Variants in PDE2A observed in about 807,000 individuals in gnomAD.
PDE2A encodes the protein cGMP-dependent 3',5'-cyclic phosphodiesterase.
A neutral mutation model predicts 133.6 loss-of-function variants in PDE2A; 53 were observed. That is an observed-to-expected ratio of 0.40 (90% CI 0.32 to 0.50). PDE2A has a LOEUF of 0.50. Among genes scored for constraint, PDE2A ranks in the 20% least tolerant of loss-of-function variants. PDE2A has a pLI of 0.73. For missense variants in PDE2A, 796 were observed against 1,232.4 expected (o/e 0.65, Z 5.30); for synonymous variants, 491 against 490.2 (o/e 1.00, Z -0.02).
rs536111776 is a variant in PDE2A, at chr11:72,586,408, T to A, written c.1071-227A>T. On this transcript the variant is annotated intron_variant, in intron 13 of 30. Coordinates refer to ENST00000334456, the MANE Select transcript of PDE2A (RefSeq NM_002599.5). ...AGATGCTTGAAACCAGAGCCATACC[T>A]CCCGTCTCTGATTTGGGATTTACCC... Among the ~76,000 whole-genome samples, 193 of 152,250 alleles carry A rather than the reference T, an allele frequency of 1.3e-3. No homozygotes were observed. The South Asian group carries it at 0.015, about 11-fold the overall frequency.
chr11:72,673,393 A>T (rs1293302873), intron 1 of PDE2A, among the ~76,000 whole-genome samples: 2 of 134,960 alleles, frequency 1.5e-5, no homozygotes, highest in African/African-American at 5.5e-5. Context: ...TACATTCCAC[A>T]TGTATACACA....
At chr11:72,632,829 G>A (rs1858478880) in intron 2 of PDE2A, among the ~76,000 whole-genome samples, 1 of 146,668 alleles carries the variant, frequency 6.8e-6, no homozygotes, top group Admixed American at 7.0e-5. Context: ...CAGAGGCACT[G>A]CCCGGAGGTG....
chr11:72,587,638 C>T (rs1176405324), intron 13 of PDE2A, among the ~76,000 whole-genome samples: 1 of 152,226 alleles, frequency 6.6e-6, no homozygotes, highest in Non-Finnish European at 1.5e-5. Flanking sequence ...TTCCCAAGGC[C>T]ATCTGGTCAG....
Position 72,590,312 on chromosome 11 carries a change from C to T in PDE2A, c.704-68G>A, listed in dbSNP as rs747927088. 126 of 1,537,786 alleles carry T rather than the reference C, an allele frequency of 8.2e-5. No individual in the cohort carries two copies. The highest frequency in any genetic ancestry group is 1.0e-4 in the Non-Finnish European group (116 of 1,135,704). ...CCTCCGTGTCCGGGTCCCTCAGGCGCCGCTCAGCTCCGCGCCGGGCCCGCC... is the reference window on the plus strand; with the variant it reads ...CCTCCGTGTCCGGGTCCCTCAGGCGTCGCTCAGCTCCGCGCCGGGCCCGCC... On this transcript the variant is annotated intron_variant, in intron 8 of 30. Coordinates refer to ENST00000334456, the MANE Select transcript of PDE2A (RefSeq NM_002599.5). The surrounding 1 kb of genome is among the most constrained non-coding windows in gnomAD (Gnocchi z 4.8).
Position 72,617,399 on chromosome 11 carries a change from T to C in PDE2A, c.145-8648A>G, listed in dbSNP as rs527924835. On this transcript the variant is annotated intron_variant, in intron 2 of 30. Coordinates refer to ENST00000334456, the MANE Select transcript of PDE2A (RefSeq NM_002599.5). Reference sequence around the variant, plus strand: ...CAGGGCACAGAGGCTGGCTGCCCGGTGATGCCTGCCCTGGGGCTCTCCCTG... The same window carrying C: ...CAGGGCACAGAGGCTGGCTGCCCGGCGATGCCTGCCCTGGGGCTCTCCCTG... Among the ~76,000 whole-genome samples, 363 of 152,216 alleles carry C rather than the reference T, an allele frequency of 2.4e-3. 2 individuals carry two copies. Among genetic ancestry groups the C allele is most frequent in the African/African-American group, 8.3e-3 (346 of 41,522 alleles).
intron 2 of PDE2A, among the ~76,000 whole-genome samples, chr11:72,629,430 C>A (rs554085386): frequency 6.6e-6 from 1 of 152,232 alleles, no homozygotes; most frequent in Non-Finnish European, 1.5e-5. Flanking sequence ...TCTTTCCTGG[C>A]GGGTGGCCGA....
chr11:72,629,269 T>G (rs1303404411), intron 2 of PDE2A, among the ~76,000 whole-genome samples: 1 of 152,210 alleles, frequency 6.6e-6, no homozygotes, highest in African/African-American at 2.4e-5. Context: ...GGCAGGCAGA[T>G]GGCCTAGGCA....
chr11:72,582,377 G>C (rs544050207), intron 21 of PDE2A, 67 bp downstream of exon 21: 1 of 1,479,554 alleles, frequency 6.8e-7, no homozygotes, highest in Non-Finnish European at 9.3e-7. Flanking sequence ...TTCTTGATGC[G>C]CATTTAACTT....
intron 2 of PDE2A, among the ~76,000 whole-genome samples, chr11:72,628,333 C>CTT (rs562919002): frequency 0.14 from 20,433 of 141,924 alleles, 1,550 homozygotes; most frequent in Middle Eastern, 0.17. Flanking sequence ...GATAGAGGTT[C>CTT]TTTTTTTTTT....
intron 2 of PDE2A, among the ~76,000 whole-genome samples, chr11:72,640,879 A>G (rs1858922205): frequency 6.6e-6 from 1 of 152,060 alleles, no homozygotes; most frequent in African/African-American, 2.4e-5. Context: ...CTCCACAGCC[A>G]CAACACTGCC....
rs541986920 is a variant in PDE2A at position 72,579,062 on chromosome 11, T to G, written c.2357-53A>C. On this transcript the variant is annotated intron_variant, in intron 27 of 30. Transcript: ENST00000334456. ...GCGGGGCCCAGCCTCTTTGCCCTTC[T>G]GAGGACAAGGCTCCCAGGGCCCAAC... 1.3e-5 allele frequency: 18 copies of G among 1,357,578 alleles called. No homozygotes were observed. In the East Asian group the frequency reaches 3.9e-4, roughly 30 times the overall value. The allele number at this position is 1,357,578 out of a possible 1,614,324, so 84.1% of individuals were successfully genotyped here.
intron 1 of PDE2A, among the ~76,000 whole-genome samples, chr11:72,672,545 G>A (rs1855408571): frequency 6.6e-6 from 1 of 152,040 alleles, no homozygotes; most frequent in Admixed American, 6.6e-5. Flanking sequence ...AAACCTTTCT[G>A]GGCTCCCCAG....
intron 6 of PDE2A, among the ~76,000 whole-genome samples, chr11:72,591,892 G>A (rs1212509030): frequency 1.3e-5 from 2 of 152,252 alleles, no homozygotes; most frequent in East Asian, 3.8e-4. Context: ...TCTCACCACT[G>A]TGATGCAAGC....
intron 2 of PDE2A, among the ~76,000 whole-genome samples, chr11:72,630,397 G>A (rs1244475137): frequency 1.3e-5 from 2 of 152,094 alleles, no homozygotes; most frequent in Non-Finnish European, 2.9e-5. Context: ...TCAGAGGAGG[G>A]AGCAGGAGTG....
intron 3 of PDE2A, 67 bp from the exon 4 acceptor site, chr11:72,605,293 C>A: frequency 1.1e-6 from 1 of 923,250 alleles, no homozygotes; most frequent in South Asian, 1.9e-5. Context: ...CCAGCCTGTA[C>A]ACAGGGGTCT....
At chr11:72,582,003 T>C in intron 21 of PDE2A, 56 bp from the exon 22 acceptor site, 1 of 1,307,634 alleles carries the variant, frequency 7.6e-7, no homozygotes, top group Non-Finnish European at 1.1e-6. Context: ...ACGGGGCCCT[T>C]GCCTGGGTCC....
intron 4 of PDE2A, among the ~76,000 whole-genome samples, chr11:72,599,893 G>A (rs1856661301): frequency 6.6e-6 from 1 of 152,216 alleles, no homozygotes; most frequent in Non-Finnish European, 1.5e-5. Context: ...AGGAAGAGCA[G>A]GCCCCAGCCC....
At chr11:72,649,065 G>A (rs1393207168) in intron 1 of PDE2A, among the ~76,000 whole-genome samples, 1 of 152,132 alleles carries the variant, frequency 6.6e-6, no homozygotes, top group Non-Finnish European at 1.5e-5. Flanking sequence ...TTGGAGCCCT[G>A]GTCCTGGCCT....
At chr11:72,602,056 A>T (rs960749092) in intron 4 of PDE2A, among the ~76,000 whole-genome samples, 2 of 152,316 alleles carry the variant, frequency 1.3e-5, no homozygotes, top group East Asian at 3.9e-4. Context: ...TCTCAGTGTC[A>T]GGGAACTGTG....
Sources: gnomAD v4.1 joint callset for allele counts (sites outside exome capture counted in the v4.1 genomes callset) on GRCh38, gnomAD v4.1.1 for gene constraint, Gnocchi (gnomAD v3.1) non-coding constraint, MANE v1.5 for transcripts, NCBI Gene and HGNC (gene_info 2026-07-23, HGNC 2026-07-21) for gene names.